Variants in DIP2C observed in about 807,000 individuals in gnomAD.
DIP2C encodes disco-interacting protein 2 homolog C.
A neutral mutation model predicts 192.4 loss-of-function variants in DIP2C; 33 were observed. The observed-to-expected ratio is 0.17, with a 90% CI of 0.13 to 0.23. The LOEUF is 0.23. Ranked by LOEUF, DIP2C falls within the 10% of genes least tolerant of loss-of-function variation. The probability of loss-of-function intolerance (pLI) is 1.00; values close to 1 mark genes in which losing one functional copy is unlikely to be tolerated. For synonymous variants in DIP2C, 979 were observed against 864.1 expected (o/e 1.13, Z -2.33); for missense variants, 1,537 against 2,110.1 (o/e 0.73, Z 5.32).
At chr10:600,861 T>TTA (rs1162657378) in intron 1 of DIP2C, among the ~76,000 whole-genome samples, 383 of 152,312 alleles carry the variant, frequency 2.5e-3, no homozygotes, top group Middle Eastern at 0.01. Context: ...GGCCATCTGG[T>TTA]CAAAGCTTTT....
rs1348825113 is a variant in DIP2C at position 679,734 on chromosome 10, C to CGCCCATCTGTGCTCCCCAT, written c.85+9741_85+9759dup. Among the ~76,000 whole-genome samples the CGCCCATCTGTGCTCCCCAT allele has an allele frequency of 3.3e-5, 5 of 151,366 alleles. No individual in the cohort carries two copies. The East Asian group carries it at 7.8e-4, about 24-fold the overall frequency. On this transcript the variant is annotated intron_variant, in intron 1 of 36. Transcript: ENST00000280886. ...ATGCTCCCTGCATCCGTCCTCCCCA[C>CGCCCATCTGTGCTCCCCAT]GCCCATCTGTGCTCCCCATGCCCAT... is the stretch of plus-strand genomic sequence containing the variant.
At chr10:381,259 T>C (rs74507125) in intron 17 of DIP2C, among the ~76,000 whole-genome samples, 2,410 of 152,266 alleles carry the variant, frequency 0.016, 30 homozygotes, top group Non-Finnish European at 0.024. Context: ...ATATGCATCA[T>C]ATGCATGATA....
chr10:456,674 C>G (rs1969324999), intron 3 of DIP2C, among the ~76,000 whole-genome samples: 1 of 152,232 alleles, frequency 6.6e-6, no homozygotes, highest in African/African-American at 2.4e-5. Flanking sequence ...GGAATTCCAC[C>G]TGTCCACGGC....
At chr10:506,429 C>G (rs977248966) in intron 1 of DIP2C, among the ~76,000 whole-genome samples, 2 of 152,126 alleles carry the variant, frequency 1.3e-5, no homozygotes, top group African/African-American at 4.8e-5. Flanking sequence ...GTGTGTAGCC[C>G]TGGGGTCTGA....
At chr10:401,391 G>T (rs569619315) in intron 9 of DIP2C, among the ~76,000 whole-genome samples, 2 of 151,356 alleles carry the variant, frequency 1.3e-5, no homozygotes, top group African/African-American at 4.9e-5. Flanking sequence ...GACAAGTTTC[G>T]TACATTTTCA....
At chr10:562,579 G>A (rs1325121404) in intron 1 of DIP2C, among the ~76,000 whole-genome samples, 1 of 152,140 alleles carries the variant, frequency 6.6e-6, no homozygotes, top group African/African-American at 2.4e-5. Flanking sequence ...ATTTAAGTTG[G>A]CATTCCAACA....
intron 1 of DIP2C, among the ~76,000 whole-genome samples, chr10:588,967 A>G (rs1381144986): frequency 2.0e-5 from 3 of 152,324 alleles, no homozygotes; most frequent in African/African-American, 7.2e-5. Flanking sequence ...ATCACACAGG[A>G]GTCCCGGCTG....
intron 1 of DIP2C, among the ~76,000 whole-genome samples, chr10:582,237 C>A (rs945418223): frequency 6.6e-6 from 1 of 152,214 alleles, no homozygotes; most frequent in Non-Finnish European, 1.5e-5. Context: ...CCAGCACCCA[C>A]ACCAGCCCAG....
intron 4 of DIP2C, among the ~76,000 whole-genome samples, chr10:423,722 GGTGT>G (rs150403539): frequency 1.3e-5 from 2 of 151,386 alleles, no homozygotes; most frequent in Admixed American, 1.3e-4. Flanking sequence ...TTTCTACGTC[GGTGT>G]GTGTGTGTTA....
chr10:682,293 A>C (rs1588764466), intron 1 of DIP2C, among the ~76,000 whole-genome samples: 1 of 152,214 alleles, frequency 6.6e-6, no homozygotes, highest in East Asian at 1.9e-4. Context: ...GGGGAGCCCC[A>C]AGTGCTCAAA....
chr10:298,857 C>T lies in DIP2C; in HGVS notation c.3987-10436G>A, dbSNP rs113484117. 7.4e-4 allele frequency among the ~76,000 whole-genome samples: 112 copies of T among 152,344 alleles called. 1 individual carries two copies. Among genetic ancestry groups the T allele is most frequent in the Non-Finnish European group, 5.1e-4 (35 of 68,038 alleles). ...GGCACCTCTCTCCTACTTCAATCTTCGCTTGCTGAAATGGTCCAACTTGGT... is the reference window on the plus strand; with the variant it reads ...GGCACCTCTCTCCTACTTCAATCTTTGCTTGCTGAAATGGTCCAACTTGGT... On this transcript the variant is annotated intron_variant, in intron 32 of 36. Coordinates refer to ENST00000280886, the MANE Select transcript of DIP2C (RefSeq NM_014974.3).
At chr10:377,211 C>T (rs1023545533) in intron 17 of DIP2C, among the ~76,000 whole-genome samples, 9 of 149,522 alleles carry the variant, frequency 6.0e-5, no homozygotes, top group Non-Finnish European at 1.0e-4. Context: ...AAAACGGGAT[C>T]ACACTATATA....
chr10:585,793 T>C (rs537822580), intron 1 of DIP2C, among the ~76,000 whole-genome samples: 21 of 152,282 alleles, frequency 1.4e-4, no homozygotes, highest in African/African-American at 4.8e-4. Context: ...TGTCAGATTT[T>C]AATCACCAAC....
intron 1 of DIP2C, among the ~76,000 whole-genome samples, chr10:496,438 G>A (rs1363736979): frequency 8.6e-6 from 1 of 116,372 alleles, no homozygotes; most frequent in Non-Finnish European, 1.8e-5. Flanking sequence ...CTTAAAATCT[G>A]TACATTACTC....
intron 1 of DIP2C, among the ~76,000 whole-genome samples, chr10:655,135 C>G (rs955384216): frequency 3.3e-5 from 5 of 152,160 alleles, no homozygotes; most frequent in African/African-American, 1.2e-4. Flanking sequence ...CAGAAATTCG[C>G]TCCTTATGCA....
chr10:394,187 T>TGCAGAGCAG (rs1963744734), intron 10 of DIP2C, among the ~76,000 whole-genome samples: 1 of 152,198 alleles, frequency 6.6e-6, no homozygotes, highest in Non-Finnish European at 1.5e-5. Context: ...CACGAATGGA[T>TGCAGAGCAG]GCAGAGCAGG....
At chr10:408,046 C>A (rs1964931247) in intron 9 of DIP2C, among the ~76,000 whole-genome samples, 1 of 152,092 alleles carries the variant, frequency 6.6e-6, no homozygotes, top group African/African-American at 2.4e-5. Context: ...AAGGCATTTT[C>A]TTTATGTTTT....
intron 1 of DIP2C, among the ~76,000 whole-genome samples, chr10:505,146 C>T (rs816590): frequency 0.023 from 3,446 of 152,254 alleles, 133 homozygotes; most frequent in African/African-American, 0.079. Flanking sequence ...GTACAGAAAA[C>T]GGCAACGGGT....
At chr10:366,211 T>C in intron 19 of DIP2C, 64 bp downstream of exon 19, 1 of 1,589,134 alleles carries the variant, frequency 6.3e-7, no homozygotes, top group African/African-American at 1.3e-5. Context: ...ACTATGCACC[T>C]GGCAAGGGCT....
Sources: gnomAD v4.1 joint callset for allele counts (sites outside exome capture counted in the v4.1 genomes callset) on GRCh38, gnomAD v4.1.1 for gene constraint, MANE v1.5 for transcripts, NCBI Gene and HGNC (gene_info 2026-07-23, HGNC 2026-07-21) for gene names.